The following RBPJ variants were observed in gnomAD, a reference collection of about 807,000 sequenced individuals.
RBPJ encodes recombination signal binding protein for immunoglobulin kappa J region.
In RBPJ, 9 loss-of-function variants were observed where a neutral mutation model predicts 67.8. The observed-to-expected ratio is 0.13, with a 90% CI of 0.08 to 0.23. The LOEUF is 0.23. Ranked by LOEUF, RBPJ falls within the 10% of genes least tolerant of loss-of-function variation. RBPJ has a pLI of 1.00. For synonymous variants in RBPJ, 198 were observed against 203.3 expected (o/e 0.97, Z 0.22); for missense variants, 305 against 595.6 (o/e 0.51, Z 5.08).
chr4:26,210,809 T>TTCTTTCTTTCTC (rs1312665771), intron 1 of RBPJ, among the ~76,000 whole-genome samples: 1 of 149,936 alleles, frequency 6.7e-6, no homozygotes, highest in South Asian at 2.1e-4. Flanking sequence ...CTTTCTTTCT[T>TTCTTTCTTTCTC]TTCTCCTGTG....
chr4:26,271,433 T>C (rs746637998), intron 1 of RBPJ, among the ~76,000 whole-genome samples: 3 of 151,872 alleles, frequency 2.0e-5, no homozygotes, highest in Non-Finnish European at 4.4e-5. Flanking sequence ...AGAGATTGAT[T>C]TGGGGGAAAG....
intron 1 of RBPJ, among the ~76,000 whole-genome samples, chr4:26,325,116 A>G (rs1476199425): frequency 6.6e-6 from 1 of 152,200 alleles, no homozygotes; most frequent in Admixed American, 6.5e-5. Context: ...TTTGGTTCCC[A>G]AAGCCACGAT....
At chr4:26,395,898 C>T (rs1732071061) in intron 2 of RBPJ, among the ~76,000 whole-genome samples, 1 of 152,182 alleles carries the variant, frequency 6.6e-6, no homozygotes, top group Non-Finnish European at 1.5e-5. Context: ...AAGCATTTTA[C>T]CAGTGCCTAA....
At chr4:26,400,450 A>T (rs996825003) in intron 2 of RBPJ, among the ~76,000 whole-genome samples, 1 of 152,242 alleles carries the variant, frequency 6.6e-6, no homozygotes, top group Non-Finnish European at 1.5e-5. Flanking sequence ...AATCCTATTT[A>T]TTGACACAGC....
At chr4:26,161,649 C>A (rs1466869935), upstream of RBPJ, among the ~76,000 whole-genome samples, 1 of 152,196 alleles carries the variant, frequency 6.6e-6, no homozygotes, top group African/African-American at 2.4e-5. Flanking sequence ...GTAGGTCACA[C>A]AGAGGCAAGA....
At chr4:26,291,074 CT>C (rs1308675573) in intron 1 of RBPJ, among the ~76,000 whole-genome samples, 1 of 150,788 alleles carries the variant, frequency 6.6e-6, no homozygotes, top group Non-Finnish European at 1.5e-5. Context: ...ATAATACCTG[CT>C]TCAGAAGTGT....
intron 1 of RBPJ, among the ~76,000 whole-genome samples, chr4:26,208,329 A>G (rs1480984964): frequency 6.6e-6 from 1 of 152,208 alleles, no homozygotes; most frequent in Non-Finnish European, 1.5e-5. Context: ...TCAAACGCAG[A>G]TCATGCAAAC....
chr4:26,224,204 C>A (rs1054123292), intron 1 of RBPJ, among the ~76,000 whole-genome samples: 1 of 151,396 alleles, frequency 6.6e-6, no homozygotes, highest in Non-Finnish European at 1.5e-5. Flanking sequence ...CCCATTTACT[C>A]CCATTGTGCA....
At chr4:26,196,054 T>C (rs546705660) in intron 1 of RBPJ, among the ~76,000 whole-genome samples, 6 of 152,322 alleles carry the variant, frequency 3.9e-5, no homozygotes, top group African/African-American at 1.4e-4. Flanking sequence ...TCTATTGAAA[T>C]GTTGAAACAT....
At chr4:26,145,706 A>T in the RBPJ span, among the ~76,000 whole-genome samples, 1 of 152,194 alleles carries the variant, frequency 6.6e-6, no homozygotes, top group Non-Finnish European at 1.5e-5. Context: ...AAATGGGGCA[A>T]ATCAATGGAG....
intron 2 of RBPJ, among the ~76,000 whole-genome samples, chr4:26,403,611 C>T (rs934975579): frequency 6.6e-6 from 1 of 152,146 alleles, no homozygotes; most frequent in African/African-American, 2.4e-5. Flanking sequence ...ATTTAGTTCC[C>T]ACTTGTAAGT....
At chr4:26,115,059 C>T in the RBPJ span, among the ~76,000 whole-genome samples, 3 of 152,196 alleles carry the variant, frequency 2.0e-5, no homozygotes, top group South Asian at 4.1e-4. Context: ...CTTCCCGACT[C>T]CACATTCAGT....
At chr4:26,271,839 A>T (rs1445641565) in intron 1 of RBPJ, among the ~76,000 whole-genome samples, 1 of 152,190 alleles carries the variant, frequency 6.6e-6, no homozygotes, top group Non-Finnish European at 1.5e-5. Flanking sequence ...TTCATTCTGC[A>T]CAGTGTCACT....
At chr4:26,411,600 A>T (rs1336578387) in intron 3 of RBPJ, among the ~76,000 whole-genome samples, 1 of 151,478 alleles carries the variant, frequency 6.6e-6, no homozygotes, top group Non-Finnish European at 1.5e-5. Flanking sequence ...AAAGACTCAG[A>T]CTATTGAAAA....
At chr4:26,373,700 A>G (rs1384947491) in intron 1 of RBPJ, among the ~76,000 whole-genome samples, 2 of 152,234 alleles carry the variant, frequency 1.3e-5, no homozygotes, top group African/African-American at 4.8e-5. Flanking sequence ...TGTAAGCCGT[A>G]CATTCAGAAG....
At chr4:26,322,684 C>G (rs1318937627) in intron 1 of RBPJ, among the ~76,000 whole-genome samples, 1 of 151,530 alleles carries the variant, frequency 6.6e-6, no homozygotes, top group Non-Finnish European at 1.5e-5. Flanking sequence ...TACACACACA[C>G]ACGTAATAGC....
chr4:26,144,267 C>CAT, the RBPJ span, among the ~76,000 whole-genome samples: 4 of 106,064 alleles, frequency 3.8e-5, no homozygotes, highest in Non-Finnish European at 5.2e-5. Flanking sequence ...TAAGAAAATT[C>CAT]TTTTTTTTTT....
chr4:26,376,504 A>C (rs1729754146), intron 1 of RBPJ, among the ~76,000 whole-genome samples: 1 of 152,202 alleles, frequency 6.6e-6, no homozygotes, highest in Admixed American at 6.5e-5. Context: ...TGTATGTACC[A>C]CATTTTTGTT....
chr4:26,336,354 C>T (rs1724836451), intron 1 of RBPJ, among the ~76,000 whole-genome samples: 1 of 152,088 alleles, frequency 6.6e-6, no homozygotes, highest in South Asian at 2.1e-4. Flanking sequence ...GGTACTGTGG[C>T]TTGTAATCCC....
Sources: gnomAD v4.1 joint callset for allele counts (sites outside exome capture counted in the v4.1 genomes callset) on GRCh38, gnomAD v4.1.1 for gene constraint, MANE v1.5 for transcripts, NCBI Gene and HGNC (gene_info 2026-07-23, HGNC 2026-07-21) for gene names.